Variants in CMIP observed in about 807,000 individuals in gnomAD.
CMIP encodes c-Maf inducing protein, also known as C-Maf-inducing protein.
CMIP carries 13 observed loss-of-function variants against 97.3 expected under a neutral mutation model. The ratio of observed to expected loss-of-function variants is 0.13; its 90% CI spans 0.09 to 0.21. CMIP has a LOEUF of 0.21. Among genes scored for constraint, CMIP ranks in the 10% least tolerant of loss-of-function variants. CMIP has a pLI of 1.00. For missense variants in CMIP, 847 were observed against 1,024.9 expected, an observed-to-expected ratio of 0.83 and a Z score of 2.37; for synonymous variants, 538 against 436.3, an observed-to-expected ratio of 1.23 and a Z score of -2.91.
chr16:81,493,054 C>T (rs2089430178), intron 1 of CMIP, among the ~76,000 whole-genome samples: 1 of 152,050 alleles, frequency 6.6e-6, no homozygotes, highest in Non-Finnish European at 1.5e-5. Flanking sequence ...GAGCCGCTGG[C>T]GGGGGTCACT....
intron 1 of CMIP, among the ~76,000 whole-genome samples, chr16:81,589,125 AC>A (rs1282569255): frequency 6.7e-6 from 1 of 149,722 alleles, no homozygotes; most frequent in African/African-American, 2.5e-5. Flanking sequence ...GCAGTGTGTC[AC>A]CCTGTGGTCC....
chr16:81,484,970 A>G (rs932268118), intron 1 of CMIP, among the ~76,000 whole-genome samples: 5 of 151,412 alleles, frequency 3.3e-5, no homozygotes, highest in Non-Finnish European at 7.4e-5. Flanking sequence ...TTTCTGTCCA[A>G]GGCTTTCTTG....
chr16:81,582,421 A>T (rs1252378413), intron 1 of CMIP, among the ~76,000 whole-genome samples: 1 of 152,092 alleles, frequency 6.6e-6, no homozygotes, highest in East Asian at 1.9e-4. Context: ...ATGTGTGGGG[A>T]CTGGGAAGGG....
intron 1 of CMIP, among the ~76,000 whole-genome samples, chr16:81,456,532 C>A (rs756748860): frequency 6.6e-6 from 1 of 152,224 alleles, no homozygotes; most frequent in Non-Finnish European, 1.5e-5. Flanking sequence ...TTATGCCAGA[C>A]ACTACTAGAG....
intron 1 of CMIP, among the ~76,000 whole-genome samples, chr16:81,499,155 T>G (rs1187272358): frequency 6.6e-6 from 1 of 152,120 alleles, no homozygotes. Context: ...CGATGCTGTT[T>G]GCCTGTTGAA....
chr16:81,701,665 G>T lies in CMIP; in HGVS notation c.1761G>T (p.Leu587=). 1 of 1,613,906 alleles carries T rather than the reference G, an allele frequency of 6.2e-7. No homozygotes were observed. Among genetic ancestry groups the T allele is most frequent in the African/African-American group, 1.3e-5 (1 of 75,064 alleles). ...LRGNQTMVEI[L]CLMLEYNIID... ...ACCCCTGCGGTTCTGGACAGATCCT[G>T]TGCTTGATGCTGGAATACAACATCA... Residue 587 remains leucine, a synonymous_variant, in exon 16 of 21, where the codon CTG becomes CTT. Coordinates refer to ENST00000537098, the MANE Select transcript of CMIP (RefSeq NM_198390.3).
intron 10 of CMIP, among the ~76,000 whole-genome samples, chr16:81,683,756 CTTTTT>C (rs71272426): frequency 1.2e-5 from 1 of 81,614 alleles, no homozygotes; most frequent in South Asian, 4.5e-4. Context: ...TTTTCTTTTT[CTTTTT>C]TTTTTTTTTT....
chr16:81,532,945 G>C (rs881214), intron 1 of CMIP, among the ~76,000 whole-genome samples: 113 of 151,984 alleles, frequency 7.4e-4, no homozygotes, highest in African/African-American at 2.6e-3. Flanking sequence ...GCTGTGCCTC[G>C]AGGCCTTTGC....
chr16:81,679,292 G>A (rs1185040869), intron 10 of CMIP, among the ~76,000 whole-genome samples: 1 of 152,154 alleles, frequency 6.6e-6, no homozygotes, highest in Non-Finnish European at 1.5e-5. Context: ...ATGCACAGCA[G>A]TGGGTGTGTC....
At chr16:81,599,824 G>A (rs2091627151) in intron 1 of CMIP, among the ~76,000 whole-genome samples, 1 of 152,168 alleles carries the variant, frequency 6.6e-6, no homozygotes, top group Admixed American at 6.5e-5. Flanking sequence ...TAGCATTGTT[G>A]TCAAGTTAAA....
intron 20 of CMIP, among the ~76,000 whole-genome samples, chr16:81,708,065 G>A (rs903955706): frequency 6.6e-6 from 1 of 152,260 alleles, no homozygotes; most frequent in Non-Finnish European, 1.5e-5. Context: ...GGGACACCGA[G>A]GTGTGGCTGC....
chr16:81,567,084 C>A (rs532428033), intron 1 of CMIP, among the ~76,000 whole-genome samples: 3 of 152,218 alleles, frequency 2.0e-5, no homozygotes, highest in Admixed American at 2.0e-4. Flanking sequence ...GTATGAGCGA[C>A]TTCTCGTACC....
intron 1 of CMIP, among the ~76,000 whole-genome samples, chr16:81,532,988 G>C (rs561692545): frequency 6.6e-6 from 1 of 152,252 alleles, no homozygotes; most frequent in African/African-American, 2.4e-5. Flanking sequence ...GATGCCTGTT[G>C]TCTAAACACC....
intron 10 of CMIP, among the ~76,000 whole-genome samples, chr16:81,681,568 A>C (rs1175335372): frequency 1.3e-5 from 2 of 152,238 alleles, no homozygotes; most frequent in African/African-American, 4.8e-5. Context: ...TGCGAGGTGA[A>C]CACCTGGCCA....
chr16:81,693,069 C>G (rs1040594218), intron 11 of CMIP, 89 bp from the exon 12 acceptor site: 1 of 923,568 alleles, frequency 1.1e-6, no homozygotes, highest in Non-Finnish European at 1.7e-6. Flanking sequence ...GACATAAAGT[C>G]TAGACGTCCC....
At chr16:81,519,804 G>C (rs1218448096) in intron 1 of CMIP, 1 of 152,188 alleles carries the variant, frequency 6.6e-6, no homozygotes, top group Admixed American at 6.5e-5. Context: ...GAGGTGCTGG[G>C]ACATGGTAGA....
intron 1 of CMIP, among the ~76,000 whole-genome samples, chr16:81,567,026 G>A (rs753967255): frequency 1.3e-5 from 2 of 152,202 alleles, no homozygotes; most frequent in Non-Finnish European, 1.5e-5. Flanking sequence ...CTGGGTGGTG[G>A]TCACATGAGT....
At chr16:81,556,884 A>T (rs1439986667) in intron 1 of CMIP, among the ~76,000 whole-genome samples, 1 of 152,234 alleles carries the variant, frequency 6.6e-6, no homozygotes, top group Non-Finnish European at 1.5e-5. Flanking sequence ...CAGGTCCTCA[A>T]GGCTGAGGAA....
chr16:81,452,885 G>GTTTTTTTT (rs558606255), intron 1 of CMIP, among the ~76,000 whole-genome samples: 29 of 129,212 alleles, frequency 2.2e-4, no homozygotes, highest in African/African-American at 6.9e-4. Flanking sequence ...TTTTTGTTTT[G>GTTTTTTTT]TTTTTTTTTT....
Sources: allele counts gnomAD v4.1 joint callset (sites outside exome capture counted in the v4.1 genomes callset), GRCh38; gene constraint gnomAD v4.1.1; transcripts MANE v1.5; gene names NCBI Gene and HGNC (gene_info 2026-07-23, HGNC 2026-07-21).